ATF2: variants seen among roughly 807,000 people sequenced by gnomAD.
The protein encoded by ATF2 is cyclic AMP-dependent transcription factor ATF-2.
In ATF2, 24 loss-of-function variants were observed where a neutral mutation model predicts 60.6. The observed-to-expected ratio is 0.40, with a 90% CI of 0.29 to 0.56. The LOEUF (loss-of-function observed/expected upper bound fraction) is 0.56, where lower values mean the gene tolerates loss of function less well. Ranked by LOEUF, ATF2 falls within the 20% of genes least tolerant of loss-of-function variation. The pLI, the probability that ATF2 is intolerant of heterozygous loss-of-function variation, is 0.54. For missense variants in ATF2, 433 were observed against 607.7 expected (o/e 0.71, Z 3.02); for synonymous variants, 206 against 215.4 (o/e 0.96, Z 0.38).
intron 7 of ATF2, among the ~76,000 whole-genome samples, chr2:175,117,060 A>T (rs1257701277): frequency 6.6e-6 from 1 of 152,002 alleles, no homozygotes; most frequent in Non-Finnish European, 1.5e-5. Context: ...CTATTTAACT[A>T]TTCACTTATG....
At chr2:175,084,606 G>C (rs1410997686) in intron 12 of ATF2, among the ~76,000 whole-genome samples, 1 of 148,222 alleles carries the variant, frequency 6.7e-6, no homozygotes, top group Non-Finnish European at 1.5e-5. Context: ...TAACTAACCG[G>C]CACATTGTGC....
rs763671224 is a variant in ATF2 at position 175,167,602 on chromosome 2, A to C, written c.-143+448T>G. 6.3e-6 allele frequency: 3 copies of C among 478,864 alleles called. No homozygotes were observed. In the East Asian group the frequency reaches 2.0e-4, roughly 32 times the overall value. 29.7% of individuals were successfully genotyped at this position (478,864 alleles called of 1,614,324 possible). ...CGCTTGAATACTGGGTGGGGAGACC[A>C]GAGTGGGCCCTCTCCCCGCCCAACC... On this transcript the variant is annotated intron_variant, in intron 1 of 13. Transcript: ENST00000264110.
At position 175,073,554 on chromosome 2, in the gene ATF2, T is replaced by C. The variant is rs752575881; in HGVS notation, c.*1055A>G. On this transcript the variant is annotated 3_prime_UTR_variant, in exon 14 of 14. Transcript: ENST00000264110. ...ATAATTACATTGTTCTAAAGATAGA[T>C]ACTGATTTTTTTTTCCACGAGAAAC... 6.6e-6 allele frequency: 1 copy of C among 152,066 alleles called. No individual in the cohort carries two copies. The highest frequency in any genetic ancestry group is 2.4e-5 in the African/African-American group (1 of 41,432). The allele number at this position is 152,066 out of a possible 1,614,324, so 9.4% of individuals were successfully genotyped here.
In ATF2 at chr2:175,122,379, G is replaced by A. The variant is rs188968293; in HGVS notation, c.103-839C>T. On this transcript the variant is annotated intron_variant, in intron 4 of 13. Coordinates refer to ENST00000264110, the MANE Select transcript of ATF2 (RefSeq NM_001880.4). Reference sequence around the variant, plus strand: ...GAAAACAGGGAGCTGTTATTTCAGAGCAATAATTTTAAAATGCTAAGTTAA... The same window carrying A: ...GAAAACAGGGAGCTGTTATTTCAGAACAATAATTTTAAAATGCTAAGTTAA... Among the ~76,000 whole-genome samples, 922 of 152,020 alleles carry A rather than the reference G, an allele frequency of 6.1e-3. 8 individuals are homozygous for A. The highest frequency in any genetic ancestry group is 0.021 in the African/African-American group (886 of 41,526).
Position 175,154,580 on chromosome 2 carries a change from C to T in ATF2, c.-142-3422G>A, listed in dbSNP as rs564438910. Among the ~76,000 whole-genome samples, 6 of 152,076 alleles carry T rather than the reference C, an allele frequency of 3.9e-5. No individual in the cohort carries two copies. In the South Asian group the frequency reaches 8.3e-4, roughly 21 times the overall value. Reference sequence around the variant, plus strand: ...TGTTTATCAAATATTACATACTGTACGTAATTGTGCTATTTTTTCCTTGTC... The same window carrying T: ...TGTTTATCAAATATTACATACTGTATGTAATTGTGCTATTTTTTCCTTGTC... On this transcript the variant is annotated intron_variant, in intron 1 of 13. Coordinates refer to ENST00000264110, the MANE Select transcript of ATF2 (RefSeq NM_001880.4).
At chr2:175,113,879 T>C in intron 9 of ATF2, 115 bp downstream of exon 9, 1 of 888,924 alleles carries the variant, frequency 1.1e-6, no homozygotes, top group South Asian at 1.4e-5. Flanking sequence ...TACTATCAAC[T>C]GCTAATCAAT....
intron 12 of ATF2, 58 bp downstream of exon 12, chr2:175,093,003 T>A (rs986926399): frequency 1.9e-6 from 3 of 1,563,452 alleles, no homozygotes; most frequent in Non-Finnish European, 1.7e-6. Context: ...AAAAAAAAAA[T>A]CTATGTTCAC....
intron 4 of ATF2, among the ~76,000 whole-genome samples, chr2:175,126,383 T>C (rs1206997364): frequency 6.6e-6 from 1 of 152,116 alleles, no homozygotes; most frequent in Non-Finnish European, 1.5e-5. Flanking sequence ...ATGGGAATTA[T>C]GGATAAGACA....
intron 8 of ATF2, chr2:175,114,359 CTG>C (rs1283240165): frequency 8.0e-7 from 1 of 1,256,966 alleles, no homozygotes; most frequent in African/African-American, 1.6e-5. Context: ...ATGAGAAAAA[CTG>C]TCATCAGAGA....
intron 11 of ATF2, 130 bp downstream of exon 11, chr2:175,097,314 C>T: frequency 7.6e-7 from 1 of 1,310,034 alleles, no homozygotes; most frequent in Middle Eastern, 2.0e-4. Flanking sequence ...CTACCTTTTC[C>T]TGAGGCTTTT....
intron 12 of ATF2, among the ~76,000 whole-genome samples, chr2:175,086,126 T>G (rs1234631291): frequency 6.6e-6 from 1 of 152,190 alleles, no homozygotes; most frequent in African/African-American, 2.4e-5. Flanking sequence ...TTCAGTCCAA[T>G]TTTTTACATT....
chr2:175,093,995 C>G lies in ATF2; in HGVS notation c.979-728G>C, dbSNP rs77739620. 2.8e-3 allele frequency among the ~76,000 whole-genome samples: 430 copies of G among 152,274 alleles called. 8 individuals are homozygous for G. The East Asian group carries it at 0.034, about 12-fold the overall frequency. ...AGTAAGAGAAAGAAATCTTCAGTCA[C>G]TAGTAATATTGTCTAGTGTATAAGA... On this transcript the variant is annotated intron_variant, in intron 11 of 13. Transcript: ENST00000264110.
chr2:175,123,294 G>A (rs1057054105), intron 4 of ATF2, among the ~76,000 whole-genome samples: 1 of 152,008 alleles, frequency 6.6e-6, no homozygotes, highest in Non-Finnish European at 1.5e-5. Flanking sequence ...TTGTATTGCT[G>A]TTTTAAATAT....
chr2:175,090,412 T>G (rs1034821146), intron 12 of ATF2, among the ~76,000 whole-genome samples: 2 of 152,184 alleles, frequency 1.3e-5, no homozygotes, highest in African/African-American at 4.8e-5. Flanking sequence ...GATGGACATT[T>G]GGGCTGTTTC....
intron 2 of ATF2, among the ~76,000 whole-genome samples, chr2:175,141,175 G>C (rs1270331582): frequency 6.6e-6 from 1 of 150,928 alleles, no homozygotes; most frequent in Admixed American, 6.6e-5. Context: ...TCAAAGACCA[G>C]GGCTAATGAC....
intron 1 of ATF2, among the ~76,000 whole-genome samples, chr2:175,152,524 G>A (rs1361472564): frequency 2.0e-5 from 3 of 152,154 alleles, no homozygotes; most frequent in Non-Finnish European, 2.9e-5. Context: ...TATTCAAAGA[G>A]AAAGACACTT....
At chr2:175,122,750 G>A (rs573246133) in intron 4 of ATF2, among the ~76,000 whole-genome samples, 7 of 148,482 alleles carry the variant, frequency 4.7e-5, no homozygotes, top group South Asian at 4.2e-4. Flanking sequence ...AGCTCCTACC[G>A]TGGTCCCCCA....
At chr2:175,132,120 T>C (rs1186229598) in intron 3 of ATF2, among the ~76,000 whole-genome samples, 2 of 152,172 alleles carry the variant, frequency 1.3e-5, no homozygotes, top group African/African-American at 4.8e-5. Context: ...ATCAAATCCT[T>C]GTGAGATAAT....
At chr2:175,131,440 T>TA (rs1349713324) in intron 3 of ATF2, among the ~76,000 whole-genome samples, 1 of 152,188 alleles carries the variant, frequency 6.6e-6, no homozygotes, top group African/African-American at 2.4e-5. Flanking sequence ...AATCACAGTT[T>TA]ATTAATAGCA....
Sources: gnomAD v4.1 joint callset for allele counts (sites outside exome capture counted in the v4.1 genomes callset) on GRCh38, gnomAD v4.1.1 for gene constraint, MANE v1.5 for transcripts, NCBI Gene and HGNC (gene_info 2026-07-23, HGNC 2026-07-21) for gene names.